Variants in CTSZ observed in about 807,000 individuals in gnomAD.
CTSZ encodes the protein cathepsin Z.
Under a neutral mutation model 32.4 loss-of-function variants are expected in CTSZ, and 39 were observed. That is an observed-to-expected ratio of 1.20 (90% CI 0.93 to 1.57). The LOEUF is 1.57. Among genes scored for constraint, CTSZ ranks in the 40% most tolerant of loss-of-function variants. The pLI is 0.00. For missense variants in CTSZ, 397 were observed against 419.6 expected (o/e 0.95, Z 0.47); for synonymous variants, 168 against 170.1 (o/e 0.99, Z 0.10).
chr20:59,006,685 G>A (rs1420837039), intron 1 of CTSZ, among the ~76,000 whole-genome samples, 200 bp from the exon 2 acceptor site: 1 of 152,212 alleles, frequency 6.6e-6, no homozygotes, highest in African/African-American at 2.4e-5. Context: ...AGGAGGCAGG[G>A]CACCCCCGAA....
chr20:58,996,852 C>A (rs778366073), intron 4 of CTSZ, 51 bp from the exon 5 acceptor site: 2 of 1,588,824 alleles, frequency 1.3e-6, no homozygotes, highest in African/African-American at 1.3e-5. Context: ...GAGAATTTAC[C>A]GTCATTAGAA....
intron 2 of CTSZ, among the ~76,000 whole-genome samples, chr20:59,003,007 AC>A (rs2091896026): frequency 6.6e-6 from 1 of 151,770 alleles, no homozygotes; most frequent in East Asian, 1.9e-4. Context: ...CAGTGCCCCG[AC>A]CCCTACTGCC....
rs776534185 is a variant in CTSZ at position 59,006,486 on chromosome 20, C to G, written c.144-1G>C. 1.2e-6 allele frequency: 2 copies of G among 1,610,390 alleles called. No individual in the cohort carries two copies. Among genetic ancestry groups the G allele is most frequent in the Admixed American group, 3.3e-5 (2 of 59,958 alleles). On this transcript the variant is annotated splice_acceptor_variant, in intron 1 of 5. Transcript: ENST00000217131. LOFTEE classifies it high-confidence loss of function. ...GTACTCATGAGGCCGGGGGTATGTGCTGAGAAGAGATCATCCCCACCCAGA... is the reference window on the plus strand; with the variant it reads ...GTACTCATGAGGCCGGGGGTATGTGGTGAGAAGAGATCATCCCCACCCAGA...
chr20:59,002,829 C>T lies in CTSZ; in HGVS notation c.308-1185G>A, dbSNP rs1290846214. 1.3e-5 allele frequency among the ~76,000 whole-genome samples: 2 copies of T among 152,126 alleles called. No individual in the cohort carries two copies. The highest frequency in any genetic ancestry group is 2.9e-5 in the Non-Finnish European group (2 of 68,014). ...ACCCTAGGTTCCATCCTGTTTCCTC[C>T]CAAGGACTTGGCTCCCTCCAGCTTT... On this transcript the variant is annotated intron_variant, in intron 2 of 5. Transcript: ENST00000217131. This position sits in a 1 kb window ranked among gnomAD's most constrained non-coding sequence, Gnocchi z 4.1.
chr20:59,005,821 T>C (rs1399734797), intron 2 of CTSZ, among the ~76,000 whole-genome samples: 1 of 152,098 alleles, frequency 6.6e-6, no homozygotes, highest in African/African-American at 2.4e-5. Flanking sequence ...CCTTCCTCTT[T>C]GCTAAGAGCC....
At chr20:59,000,026 G>A (rs140296668) in intron 3 of CTSZ, among the ~76,000 whole-genome samples, 2,144 of 148,476 alleles carry the variant, frequency 0.014, 43 homozygotes, top group African/African-American at 0.049. Flanking sequence ...CCGAGATCGC[G>A]CCACTGCAGT....
chr20:58,996,925 G>A, intron 4 of CTSZ, 124 bp from the exon 5 acceptor site: 1 of 1,047,372 alleles, frequency 9.5e-7, no homozygotes, highest in South Asian at 1.5e-5. Context: ...GGGAGGCCGA[G>A]GCAGGTGGAT....
At chr20:59,006,200 C>T in intron 2 of CTSZ, 122 bp downstream of exon 2, 2 of 1,327,004 alleles carry the variant, frequency 1.5e-6, no homozygotes, top group Non-Finnish European at 2.0e-6. Flanking sequence ...CTTAGCACCC[C>T]AGCCCAGGCT....
chr20:59,001,838 G>A (rs2091891223), intron 2 of CTSZ, among the ~76,000 whole-genome samples, 194 bp from the exon 3 acceptor site: 1 of 152,242 alleles, frequency 6.6e-6, no homozygotes, highest in South Asian at 2.1e-4. Context: ...TCTGCAGAGA[G>A]GCCTCTCCTG....
intron 2 of CTSZ, among the ~76,000 whole-genome samples, chr20:59,005,766 A>G (rs2091906454): frequency 6.6e-6 from 1 of 151,994 alleles, no homozygotes; most frequent in South Asian, 2.1e-4. Flanking sequence ...TTCTCTCCCA[A>G]AGCAGGGTGC....
At position 59,006,552 on chromosome 20, in the gene CTSZ, C is replaced by T; in HGVS notation, c.144-67G>A. 2.6e-6 allele frequency: 4 copies of T among 1,509,678 alleles called. No individual in the cohort carries two copies. The South Asian group carries it at 3.7e-5, about 14-fold the overall frequency. The allele number at this position is 1,509,678 out of a possible 1,614,324, so 93.5% of individuals were successfully genotyped here. On this transcript the variant is annotated intron_variant, in intron 1 of 5. Coordinates refer to ENST00000217131, the MANE Select transcript of CTSZ (RefSeq NM_001336.4). ...CCGGGGGCCGTGGGCCCAGGAAGCCCTCGGTAGGGCCCTCCCGCCTTTCCC... is the reference window on the plus strand; with the variant it reads ...CCGGGGGCCGTGGGCCCAGGAAGCCTTCGGTAGGGCCCTCCCGCCTTTCCC...
At chr20:58,995,841 T>C in intron 5 of CTSZ, 82 bp from the exon 6 acceptor site, 3 of 1,268,608 alleles carry the variant, frequency 2.4e-6, no homozygotes, top group Non-Finnish European at 3.4e-6. Flanking sequence ...TGCCCCCTGC[T>C]TTCTGCCTCC....
Position 59,002,154 on chromosome 20 carries a change from A to G in CTSZ, c.308-510T>C, listed in dbSNP as rs1296965033. On this transcript the variant is annotated intron_variant, in intron 2 of 5. Transcript: ENST00000217131. This position sits in a 1 kb window ranked among gnomAD's most constrained non-coding sequence, Gnocchi z 4.1. The stretch of plus-strand genomic sequence containing the variant: ...CAGATGCGGTCCTGAGGGCTGGGGA[A>G]GGCCAGCAGGGACCCAGCCCCGAAG... 6.6e-6 allele frequency among the ~76,000 whole-genome samples: 1 copy of G among 152,200 alleles called. No individual in the cohort carries two copies. The highest frequency in any genetic ancestry group is 1.5e-5 in the Non-Finnish European group (1 of 68,022).
rs2091912608 is a variant in CTSZ, at chr20:59,007,140, G to A, written c.-12C>T. ...CCGCGCCTCGCCATGGCCCCGCGCC[G>A]GCTCCTGGGTCCCGCTCCGGATCCC... On this transcript the variant is annotated 5_prime_UTR_variant, in exon 1 of 6. Coordinates refer to ENST00000217131, the MANE Select transcript of CTSZ (RefSeq NM_001336.4). 12 of 1,347,754 alleles carry A rather than the reference G, an allele frequency of 8.9e-6. No individual in the cohort carries two copies. The highest frequency in any genetic ancestry group is 1.1e-5 in the Non-Finnish European group (12 of 1,057,878). 83.5% of individuals were successfully genotyped at this position (1,347,754 alleles called of 1,614,324 possible).
intron 3 of CTSZ, among the ~76,000 whole-genome samples, chr20:58,999,395 G>C (rs989707924): frequency 3.9e-5 from 6 of 152,154 alleles, no homozygotes; most frequent in Non-Finnish European, 1.5e-5. Context: ...GTGGGTTGGA[G>C]GGGCCTGGCC....
At chr20:59,001,003 G>C (rs2091886361) in intron 3 of CTSZ, among the ~76,000 whole-genome samples, 1 of 151,930 alleles carries the variant, frequency 6.6e-6, no homozygotes, top group Non-Finnish European at 1.5e-5. Flanking sequence ...TAATTTTTGT[G>C]CTTTTGGTAG....
Position 59,004,314 on chromosome 20 carries a change from G to A in CTSZ, c.307+2008C>T, listed in dbSNP as rs899801066. Among the ~76,000 whole-genome samples, 5 of 152,144 alleles carry A rather than the reference G, an allele frequency of 3.3e-5. No individual in the cohort carries two copies. The highest frequency in any genetic ancestry group is 5.9e-5 in the Non-Finnish European group (4 of 68,016). ...TGGGGAAGCTGACACTCAGAACTCT[G>A]AGGAGCAGACAGCTGGGGAGAGGGG... On this transcript the variant is annotated intron_variant, in intron 2 of 5. Transcript: ENST00000217131. This position sits in a 1 kb window ranked among gnomAD's most constrained non-coding sequence, Gnocchi z 5.6.
rs1352409291 is a variant in CTSZ, at chr20:59,004,092, C to A, written c.307+2230G>T. ...TATGAGGGACAGAAAACAGAGGAGT[C>A]GGGTACCAGTCCAGGCTTTTGCCTG... On this transcript the variant is annotated intron_variant, in intron 2 of 5. Coordinates refer to ENST00000217131, the MANE Select transcript of CTSZ (RefSeq NM_001336.4). The surrounding 1 kb of genome is among the most constrained non-coding windows in gnomAD (Gnocchi z 5.6). Among the ~76,000 whole-genome samples, 1 of 152,100 alleles carries A rather than the reference C, an allele frequency of 6.6e-6. No homozygotes were observed. The highest frequency in any genetic ancestry group is 1.5e-5 in the Non-Finnish European group (1 of 68,018).
chr20:58,996,384 G>A (rs1166938715), intron 5 of CTSZ, among the ~76,000 whole-genome samples: 2 of 152,190 alleles, frequency 1.3e-5, no homozygotes, highest in African/African-American at 4.8e-5. Flanking sequence ...CACTGGGATT[G>A]CGGGGAGTCA....
Sources: gnomAD v4.1 joint callset for allele counts (sites outside exome capture counted in the v4.1 genomes callset) on GRCh38, gnomAD v4.1.1 for gene constraint, Gnocchi (gnomAD v3.1) non-coding constraint, MANE v1.5 for transcripts, NCBI Gene and HGNC (gene_info 2026-07-23, HGNC 2026-07-21) for gene names.